FGF14: variants seen among roughly 807,000 people sequenced by gnomAD.
FGF14 encodes fibroblast growth factor 14.
Under a neutral mutation model 25.5 loss-of-function variants are expected in FGF14, and 5 were observed. The ratio of observed to expected loss-of-function variants is 0.20; its 90% CI spans 0.10 to 0.41. The LOEUF (loss-of-function observed/expected upper bound fraction) is 0.41, where lower values mean the gene tolerates loss of function less well. FGF14 is among the 10% of genes least tolerant of loss of function. The pLI, the probability that FGF14 is intolerant of heterozygous loss-of-function variation, is 1.00. For synonymous variants in FGF14, 138 were observed against 118.3 expected, an observed-to-expected ratio of 1.17 and a Z score of -1.08; for missense variants, 222 against 320.1, an observed-to-expected ratio of 0.69 and a Z score of 2.34.
rs1324483267 is a variant in FGF14 at position 102,263,302 on chromosome 13, AG to A, written c.208+138168del. 1.4e-5 allele frequency: 4 copies of A among 280,550 alleles called. No individual in the cohort carries two copies. In the Admixed American group the frequency reaches 2.0e-4, roughly 14 times the overall value. 17.4% of individuals were successfully genotyped at this position (280,550 alleles called of 1,614,324 possible). A position where few individuals can be genotyped will look rare whatever the true frequency, so the allele number is the denominator to read the frequency against. On this transcript the variant is annotated intron_variant, in intron 1 of 4. Transcript: ENST00000376131. ...TAGGATATTTCTTTGAGCTTTAGTA[AG>A]GTGGACTTACTCATTTTAAAGATGG... is the stretch of plus-strand genomic sequence containing the variant.
At chr13:102,348,657 A>C (rs758854519) in intron 1 of FGF14, among the ~76,000 whole-genome samples, 6 of 152,214 alleles carry the variant, frequency 3.9e-5, no homozygotes, top group Non-Finnish European at 8.8e-5. Flanking sequence ...TTTGCAATGC[A>C]TCAGCATCAC....
At chr13:101,801,097 G>A (rs987920632) in intron 3 of FGF14, among the ~76,000 whole-genome samples, 1 of 152,172 alleles carries the variant, frequency 6.6e-6, no homozygotes, top group African/African-American at 2.4e-5. Context: ...AAACTTGAAA[G>A]CTATCTCAAA....
At chr13:102,264,530 G>C (rs888403020) in intron 1 of FGF14, among the ~76,000 whole-genome samples, 2 of 138,310 alleles carry the variant, frequency 1.4e-5, no homozygotes, top group African/African-American at 2.9e-5. Context: ...GGCCTCATTT[G>C]GTCCTATACG....
chr13:102,009,696 G>C (rs2039982938), intron 1 of FGF14, among the ~76,000 whole-genome samples: 1 of 151,752 alleles, frequency 6.6e-6, no homozygotes, highest in Non-Finnish European at 1.5e-5. Context: ...GTTGTTTCTT[G>C]TTTTAACATT....
intron 1 of FGF14, among the ~76,000 whole-genome samples, chr13:102,305,947 G>T (rs1213104600): frequency 6.6e-6 from 1 of 152,120 alleles, no homozygotes; most frequent in Admixed American, 6.5e-5. Flanking sequence ...TTGAAGCCCT[G>T]GGGAAGCATT....
intron 1 of FGF14, among the ~76,000 whole-genome samples, chr13:102,237,385 C>G (rs572104068): frequency 2.2e-4 from 34 of 152,126 alleles, no homozygotes; most frequent in Admixed American, 3.9e-4. Flanking sequence ...GCAAAAGCCC[C>G]GGAGAGGCTC....
intron 1 of FGF14, chr13:102,395,085 G>C (rs1438400491): frequency 6.6e-6 from 1 of 152,308 alleles, no homozygotes; most frequent in Non-Finnish European, 1.5e-5. Context: ...AGTGCAGGGA[G>C]CTGCGAAGTT....
chr13:102,334,921 C>T lies in FGF14; in HGVS notation c.208+66550G>A, dbSNP rs76574828. On this transcript the variant is annotated intron_variant, in intron 1 of 4. Coordinates refer to the FGF14 transcript ENST00000376131. The stretch of plus-strand genomic sequence containing the variant: ...GCACCCCTCCATCCTCAAGAAAGGA[C>T]CTGTTTTCAATCCACAGTAAGACCC... Among the ~76,000 whole-genome samples the T allele has an allele frequency of 7.5e-3, 1,141 of 152,176 alleles. 32 individuals are homozygous for T. The highest frequency in any genetic ancestry group is 0.054 in the Admixed American group (825 of 15,260).
intron 1 of FGF14, among the ~76,000 whole-genome samples, chr13:101,885,601 G>T (rs1187146730): frequency 2.0e-5 from 3 of 151,598 alleles, no homozygotes; most frequent in African/African-American, 7.3e-5. Flanking sequence ...ATCCCTAGGG[G>T]TTCTATATTT....
At chr13:102,177,179 AGC>A (rs1426585841) in intron 1 of FGF14, among the ~76,000 whole-genome samples, 1 of 152,212 alleles carries the variant, frequency 6.6e-6, no homozygotes, top group East Asian at 1.9e-4. Context: ...CATAGAGCTT[AGC>A]ATTCAGTAAC....
At chr13:102,349,333 A>G (rs1292124448) in intron 1 of FGF14, among the ~76,000 whole-genome samples, 1 of 151,712 alleles carries the variant, frequency 6.6e-6, no homozygotes, top group African/African-American at 2.4e-5. Context: ...TTTATACCCA[A>G]ACTTCTCCAT....
intron 1 of FGF14, among the ~76,000 whole-genome samples, chr13:102,348,532 C>A (rs1399479066): frequency 6.6e-6 from 1 of 152,168 alleles, no homozygotes; most frequent in Non-Finnish European, 1.5e-5. Context: ...ATAAGAAAAA[C>A]TAAGGGTAGC....
chr13:102,317,620 C>G (rs910164410), intron 1 of FGF14, among the ~76,000 whole-genome samples: 3 of 151,984 alleles, frequency 2.0e-5, no homozygotes, highest in Non-Finnish European at 4.4e-5. Context: ...AATATAGGAC[C>G]AAATTTTTAA....
chr13:102,025,829 AT>A (rs1479552803), intron 1 of FGF14, among the ~76,000 whole-genome samples: 1 of 152,058 alleles, frequency 6.6e-6, no homozygotes, highest in Non-Finnish European at 1.5e-5. Context: ...AATACAATTG[AT>A]TGTTCTATAT....
At chr13:101,827,514 CT>C (rs2042445768) in intron 3 of FGF14, among the ~76,000 whole-genome samples, 1 of 151,606 alleles carries the variant, frequency 6.6e-6, no homozygotes, top group Non-Finnish European at 1.5e-5. Context: ...TTTATAAATG[CT>C]TTTTATACTT....
intron 1 of FGF14, among the ~76,000 whole-genome samples, chr13:102,347,659 A>C (rs2057151797): frequency 2.0e-5 from 3 of 152,200 alleles, no homozygotes; most frequent in Admixed American, 2.0e-4. Flanking sequence ...AAACACACCT[A>C]ACAGGAACAT....
chr13:101,772,448 A>T (rs1052492296), intron 3 of FGF14, among the ~76,000 whole-genome samples: 2 of 152,082 alleles, frequency 1.3e-5, no homozygotes, highest in South Asian at 4.1e-4. Context: ...TGTAGAAGAG[A>T]TGATTAATTA....
At chr13:101,916,183 C>T (rs2033461260) in intron 1 of FGF14, among the ~76,000 whole-genome samples, 1 of 152,214 alleles carries the variant, frequency 6.6e-6, no homozygotes, top group South Asian at 2.1e-4. Context: ...GAACAGGTTT[C>T]CCAGAGCCCA....
chr13:101,762,848 G>T (rs1362140917), intron 3 of FGF14, among the ~76,000 whole-genome samples: 1 of 152,054 alleles, frequency 6.6e-6, no homozygotes, highest in Non-Finnish European at 1.5e-5. Flanking sequence ...TACCTCCCAT[G>T]GTGTCACATT....
Sources: gnomAD v4.1 joint callset for allele counts (sites outside exome capture counted in the v4.1 genomes callset) on GRCh38, gnomAD v4.1.1 for gene constraint, MANE v1.5 for transcripts, NCBI Gene and HGNC (gene_info 2026-07-23, HGNC 2026-07-21) for gene names.